Variants in MRTFB observed in about 807,000 individuals in gnomAD.
MRTFB encodes the protein myocardin-related transcription factor B.
MRTFB carries 29 observed loss-of-function variants against 104.2 expected under a neutral mutation model. The ratio of observed to expected loss-of-function variants is 0.28; its 90% CI spans 0.21 to 0.38. The LOEUF is 0.38. Ranked by LOEUF, MRTFB falls within the 10% of genes least tolerant of loss-of-function variation. The pLI, the probability that MRTFB is intolerant of heterozygous loss-of-function variation, is 1.00. For missense variants in MRTFB, 1,270 were observed against 1,341.6 expected (o/e 0.95, Z 0.83); for synonymous variants, 535 against 519.5 (o/e 1.03, Z -0.41).
chr16:14,008,761 A>G, the MRTFB span, among the ~76,000 whole-genome samples: 2 of 152,196 alleles, frequency 1.3e-5, no homozygotes, highest in African/African-American at 4.8e-5. Context: ...CTGTAGATCA[A>G]TTTGAGAAGT....
chr16:14,245,499 T>C (rs1337494407), intron 10 of MRTFB, 29 bp from the exon 11 acceptor site: 1 of 1,583,422 alleles, frequency 6.3e-7, no homozygotes, highest in Non-Finnish European at 8.6e-7. Context: ...TATTTTATTA[T>C]AAACTCTAAT....
At chr16:14,243,733 C>A (rs966965382) in intron 10 of MRTFB, among the ~76,000 whole-genome samples, 2 of 152,012 alleles carry the variant, frequency 1.3e-5, no homozygotes, top group Non-Finnish European at 2.9e-5. Flanking sequence ...AAAATTGATG[C>A]AAAAATAAAT....
chr16:14,241,877 A>G (rs2151375080), intron 10 of MRTFB, among the ~76,000 whole-genome samples: 1 of 152,002 alleles, frequency 6.6e-6, no homozygotes, highest in East Asian at 1.9e-4. Flanking sequence ...TTGGAAGAGA[A>G]TCACAGACAA....
chr16:14,252,563 G>C (rs953438256), intron 15 of MRTFB, 61 bp downstream of exon 15: 1 of 1,594,094 alleles, frequency 6.3e-7, no homozygotes, highest in East Asian at 2.2e-5. Flanking sequence ...GTTCAGTCTC[G>C]AGCAGACCTA....
In MRTFB at chr16:14,130,598, G is replaced by A. The variant is rs142720722; in HGVS notation, c.-63-9946G>A. Among the ~76,000 whole-genome samples, 326 of 152,320 alleles carry A rather than the reference G, an allele frequency of 2.1e-3. 1 individual carries two copies. The highest frequency in any genetic ancestry group is 7.6e-3 in the African/African-American group (315 of 41,566). The stretch of plus-strand genomic sequence containing the variant: ...ACTGCCAGAATTTTGCCAATACTGT[G>A]TACGTGAAAATTCATTTTGATTGGT... On this transcript the variant is annotated intron_variant, in intron 2 of 16. Transcript: ENST00000571589.
At chr16:14,029,419 A>ATAT in the MRTFB span, among the ~76,000 whole-genome samples, 3 of 88,904 alleles carry the variant, frequency 3.4e-5, no homozygotes, top group East Asian at 3.1e-4. Flanking sequence ...AAAAAAAAAA[A>ATAT]ATATATATAT....
chr16:14,237,635 G>A (rs2042579432), intron 9 of MRTFB, among the ~76,000 whole-genome samples: 2 of 152,210 alleles, frequency 1.3e-5, no homozygotes, highest in Admixed American at 1.3e-4. Flanking sequence ...AGTGATCCAG[G>A]AGAAGAGTGG....
intron 10 of MRTFB, chr16:14,240,856 G>A (rs1435597035): frequency 3.1e-6 from 2 of 638,196 alleles, no homozygotes; most frequent in African/African-American, 1.8e-5. Context: ...GAAAGCTGGA[G>A]TGGTCAAAGG....
rs1050664354 is a variant in MRTFB, at chr16:14,217,345, T to C, written c.514+58T>C. ...GAAAGAGAAACTTGGAAATTTTAGA[T>C]AAAACAAATATAATTTAAAGGCTAG... On this transcript the variant is annotated intron_variant, in intron 7 of 16. Transcript: ENST00000571589. 7.6e-6 allele frequency: 11 copies of C among 1,456,870 alleles called. No individual in the cohort carries two copies. The African/African-American group carries it at 8.5e-5, about 11-fold the overall frequency. The allele number at this position is 1,456,870 out of a possible 1,614,324, so 90.2% of individuals were successfully genotyped here.
At chr16:14,201,641 T>G (rs2040709358) in intron 3 of MRTFB, among the ~76,000 whole-genome samples, 2 of 152,198 alleles carry the variant, frequency 1.3e-5, no homozygotes, top group African/African-American at 4.8e-5. Flanking sequence ...ACCCAGAGAT[T>G]GCTGCTGTTC....
At chr16:14,007,720 C>A in the MRTFB span, among the ~76,000 whole-genome samples, 2 of 152,202 alleles carry the variant, frequency 1.3e-5, no homozygotes, top group East Asian at 3.8e-4. Flanking sequence ...TACCTCCTTG[C>A]CAACAGTTAT....
intron 2 of MRTFB, among the ~76,000 whole-genome samples, chr16:14,130,668 T>G (rs1357912551): frequency 6.6e-6 from 1 of 152,186 alleles, no homozygotes; most frequent in African/African-American, 2.4e-5. Flanking sequence ...CATTTAATCT[T>G]TATAATAATC....
chr16:14,255,652 T>G (rs1597389503), intron 15 of MRTFB, among the ~76,000 whole-genome samples: 1 of 152,162 alleles, frequency 6.6e-6, no homozygotes, highest in Non-Finnish European at 1.5e-5. Flanking sequence ...AGACAATACT[T>G]AAAATAATTA....
chr16:14,008,145 C>T, the MRTFB span, among the ~76,000 whole-genome samples: 1 of 152,120 alleles, frequency 6.6e-6, no homozygotes, highest in African/African-American at 2.4e-5. Flanking sequence ...GTAGGAGGAT[C>T]ACTTGAGCCT....
intron 3 of MRTFB, among the ~76,000 whole-genome samples, chr16:14,207,433 C>G (rs1017654152): frequency 1.3e-5 from 2 of 152,194 alleles, no homozygotes; most frequent in Non-Finnish European, 2.9e-5. Context: ...TGGCACAGAA[C>G]TCCTAAAGTT....
At position 14,151,785 on chromosome 16, in the gene MRTFB, G is replaced by A. The variant is rs1198366825; in HGVS notation, c.154+11025G>A. 2.0e-5 allele frequency: 3 copies of A among 152,192 alleles called. No homozygotes were observed. In the East Asian group the frequency reaches 5.8e-4, roughly 29 times the overall value. The allele number at this position is 152,192 out of a possible 1,614,324, so 9.4% of individuals were successfully genotyped here. On this transcript the variant is annotated intron_variant, in intron 3 of 16. Coordinates refer to ENST00000571589, the MANE Select transcript of MRTFB (RefSeq NM_001308142.2). The stretch of plus-strand genomic sequence containing the variant: ...CCTAGCATTCTCTGGGCATCAGTCA[G>A]TGTCTACAAAAAAGGATTTTCAAAT...
chr16:14,040,619 C>T, the MRTFB span, among the ~76,000 whole-genome samples: 1 of 152,032 alleles, frequency 6.6e-6, no homozygotes, highest in Non-Finnish European at 1.5e-5. Context: ...CCTGCCACCA[C>T]AACCGGCTAA....
chr16:14,149,766 C>A (rs566079608), intron 3 of MRTFB, among the ~76,000 whole-genome samples: 1 of 152,198 alleles, frequency 6.6e-6, no homozygotes. Context: ...ACACAAAGAT[C>A]TTTAAAAGAC....
chr16:14,130,948 A>T (rs1213573446), intron 2 of MRTFB, among the ~76,000 whole-genome samples: 1 of 152,192 alleles, frequency 6.6e-6, no homozygotes, highest in Non-Finnish European at 1.5e-5. Flanking sequence ...AACTGCCCCC[A>T]TGATTCAGTT....
Sources: allele counts gnomAD v4.1 joint callset (sites outside exome capture counted in the v4.1 genomes callset), GRCh38; gene constraint gnomAD v4.1.1; transcripts MANE v1.5; gene names NCBI Gene and HGNC (gene_info 2026-07-23, HGNC 2026-07-21).